The following PDE8B variants were observed in gnomAD, a reference collection of about 807,000 sequenced individuals.
The protein encoded by PDE8B is phosphodiesterase 8B, also known as high affinity cAMP-specific and IBMX-insensitive 3',5'-cyclic phosphodiesterase 8B.
In PDE8B, 26 loss-of-function variants were observed where a neutral mutation model predicts 101.3. The observed-to-expected ratio is 0.26, with a 90% CI of 0.19 to 0.36. The LOEUF (loss-of-function observed/expected upper bound fraction) is 0.36, where lower values mean the gene tolerates loss of function less well. PDE8B is among the 10% of genes least tolerant of loss of function. The probability of loss-of-function intolerance (pLI) is 1.00; values close to 1 mark genes in which losing one functional copy is unlikely to be tolerated. For synonymous variants in PDE8B, 424 were observed against 429.3 expected, an observed-to-expected ratio of 0.99 and a Z score of 0.15; for missense variants, 810 against 1,163.1, an observed-to-expected ratio of 0.70 and a Z score of 4.42.
At chr5:77,159,307 G>A in the PDE8B span, among the ~76,000 whole-genome samples, 5 of 152,124 alleles carry the variant, frequency 3.3e-5, no homozygotes, top group Admixed American at 6.5e-5. Context: ...AATTTGAGTC[G>A]GTGGGCTGCG....
chr5:77,189,941 A>C, the PDE8B span, among the ~76,000 whole-genome samples: 1 of 152,180 alleles, frequency 6.6e-6, no homozygotes, highest in African/African-American at 2.4e-5. Flanking sequence ...TCAGATTCTG[A>C]ATCAGTTTTG....
At chr5:77,313,154 GA>G (rs1773058050) in intron 2 of PDE8B, among the ~76,000 whole-genome samples, 1 of 152,122 alleles carries the variant, frequency 6.6e-6, no homozygotes, top group South Asian at 2.1e-4. Context: ...TAAAGATGCA[GA>G]AAAGATGTAA....
the PDE8B span, among the ~76,000 whole-genome samples, chr5:77,123,364 C>G: frequency 8.7e-5 from 13 of 150,224 alleles, no homozygotes; most frequent in Admixed American, 2.7e-4. Flanking sequence ...CCTCCCCCAC[C>G]GCCCCCCGCT....
chr5:77,158,835 T>C, the PDE8B span, among the ~76,000 whole-genome samples: 1 of 152,096 alleles, frequency 6.6e-6, no homozygotes, highest in Admixed American at 6.6e-5. Flanking sequence ...GACCATCTCT[T>C]CCAGTTCTTG....
the PDE8B span, among the ~76,000 whole-genome samples, chr5:77,174,699 G>A: frequency 6.6e-6 from 1 of 152,034 alleles, no homozygotes; most frequent in Non-Finnish European, 1.5e-5. Context: ...TATCTCCTCC[G>A]CTGCGTGACC....
chr5:77,104,201 C>T, the PDE8B span, among the ~76,000 whole-genome samples: 12 of 152,296 alleles, frequency 7.9e-5, no homozygotes, highest in African/African-American at 1.9e-4. Flanking sequence ...TGGGGCCTAT[C>T]GCTCTTCCAC....
At chr5:77,204,172 G>A in the PDE8B span, among the ~76,000 whole-genome samples, 3 of 151,194 alleles carry the variant, frequency 2.0e-5, no homozygotes, top group Admixed American at 6.6e-5. Flanking sequence ...CACTTTAGGA[G>A]GCTGAGGCAG....
chr5:77,255,823 G>T (rs79659981), intron 1 of PDE8B, among the ~76,000 whole-genome samples: 291 of 152,314 alleles, frequency 1.9e-3, no homozygotes, highest in African/African-American at 6.9e-3. Flanking sequence ...TACAGATCCG[G>T]GTACGGGGTG....
chr5:77,142,628 A>G, the PDE8B span, among the ~76,000 whole-genome samples: 22 of 152,190 alleles, frequency 1.4e-4, no homozygotes, highest in Non-Finnish European at 3.1e-4. Context: ...AATCTGGGGC[A>G]TATAATCTGT....
rs878934235 is a variant in PDE8B, at chr5:77,427,039, GA to G, written c.*497del. ...AGCTTATCTGAACAGATTTATCTAAGAAAAAAAAAAAACGACATAAAATAAG... is the reference window on the plus strand; with the variant it reads ...AGCTTATCTGAACAGATTTATCTAAGAAAAAAAAAAACGACATAAAATAAG... On this transcript the variant is annotated 3_prime_UTR_variant, in exon 22 of 22. Transcript: ENST00000264917. The G allele has an allele frequency of 1.3e-3, 178 of 142,300 alleles. 1 individual carries two copies. Among genetic ancestry groups the G allele is most frequent in the African/African-American group, 2.3e-3 (92 of 39,534 alleles). 8.8% of individuals were successfully genotyped at this position (142,300 alleles called of 1,614,324 possible).
chr5:77,214,812 A>T (rs1749300163), intron 1 of PDE8B, among the ~76,000 whole-genome samples: 1 of 152,146 alleles, frequency 6.6e-6, no homozygotes, highest in Non-Finnish European at 1.5e-5. Context: ...AGAGATTCTG[A>T]TTTAGTAGGT....
the PDE8B span, chr5:77,147,450 T>C: frequency 6.5e-6 from 1 of 152,790 alleles, no homozygotes; most frequent in East Asian, 1.9e-4. Context: ...AAATTAGTTA[T>C]ACATGGGGAT....
intron 1 of PDE8B, among the ~76,000 whole-genome samples, chr5:77,223,609 G>C (rs1353202491): frequency 1.3e-5 from 2 of 152,068 alleles, no homozygotes; most frequent in African/African-American, 2.4e-5. Context: ...GCATAGCACA[G>C]TAGTGGTGTT....
chr5:77,296,057 C>A (rs1158954771), intron 1 of PDE8B, among the ~76,000 whole-genome samples: 1 of 152,186 alleles, frequency 6.6e-6, no homozygotes, highest in African/African-American at 2.4e-5. Flanking sequence ...TGTAGCAGTC[C>A]AAGTCACGTG....
chr5:77,211,120 C>T lies in PDE8B; in HGVS notation c.195C>T (p.Ala65=). 6.6e-7 allele frequency: 1 copy of T among 1,504,766 alleles called. No individual in the cohort carries two copies. The highest frequency in any genetic ancestry group is 8.8e-7 in the Non-Finnish European group (1 of 1,134,186). The allele number at this position is 1,504,766 out of a possible 1,614,324, so 93.2% of individuals were successfully genotyped here. A position where few individuals can be genotyped will look rare whatever the true frequency, so the allele number is the denominator to read the frequency against. Residue 65 remains alanine (A), a synonymous_variant, in exon 1 of 22, where the codon GCC becomes GCT. Transcript: ENST00000264917. The surrounding 1 kb of genome is among the most constrained non-coding windows in gnomAD (Gnocchi z 4.1). ...PSRASGPPSV[A]RVRRARTELG... ...GCGCGTCGGGACCCCCCAGCGTAGC[C>T]CGCGTCCGCAGGGCCCGCACCGAGC... is the stretch of plus-strand genomic sequence containing the variant.
chr5:77,327,253 T>C (rs534682116), intron 3 of PDE8B, among the ~76,000 whole-genome samples: 1 of 152,314 alleles, frequency 6.6e-6, no homozygotes, highest in Non-Finnish European at 1.5e-5. Context: ...TAGCCTAACA[T>C]GCGTCCTTGA....
At chr5:77,243,272 G>T (rs1317864796) in intron 1 of PDE8B, among the ~76,000 whole-genome samples, 1 of 152,116 alleles carries the variant, frequency 6.6e-6, no homozygotes, top group Admixed American at 6.5e-5. Flanking sequence ...TATACTACCA[G>T]AAAATATAAT....
chr5:77,175,045 A>G, the PDE8B span, among the ~76,000 whole-genome samples: 34 of 152,288 alleles, frequency 2.2e-4, no homozygotes, highest in South Asian at 6.8e-3. Flanking sequence ...TCAAAAACCT[A>G]AGGGTTATCT....
the PDE8B span, among the ~76,000 whole-genome samples, chr5:77,164,719 G>C: frequency 3.4e-4 from 52 of 152,346 alleles, no homozygotes; most frequent in African/African-American, 1.1e-3. Context: ...ACCTGGAACA[G>C]AAGGTGTTGT....
Sources: gnomAD v4.1 joint callset for allele counts (sites outside exome capture counted in the v4.1 genomes callset) on GRCh38, gnomAD v4.1.1 for gene constraint, Gnocchi (gnomAD v3.1) non-coding constraint, MANE v1.5 for transcripts, NCBI Gene and HGNC (gene_info 2026-07-23, HGNC 2026-07-21) for gene names.